The following SERPINB8 variants were observed in gnomAD, a reference collection of about 807,000 sequenced individuals.
SERPINB8 encodes serpin family B member 8, also known as serpin B8.
In SERPINB8, 25 loss-of-function variants were observed where a neutral mutation model predicts 35.3. The observed-to-expected ratio is 0.71, with a 90% CI of 0.52 to 0.99. The LOEUF (loss-of-function observed/expected upper bound fraction) is 0.99, where lower values mean the gene tolerates loss of function less well. Among genes scored for constraint, SERPINB8 ranks in the 50% least tolerant of loss-of-function variants. The probability of loss-of-function intolerance (pLI) is 0.00; values close to 1 mark genes in which losing one functional copy is unlikely to be tolerated. For missense variants in SERPINB8, 484 were observed against 446.5 expected (o/e 1.08, Z -0.76); for synonymous variants, 186 against 160.8 (o/e 1.16, Z -1.19).
chr18:64,017,614 GA>G (rs1174957777), intron 7 of SERPINB8, among the ~76,000 whole-genome samples: 1 of 151,970 alleles, frequency 6.6e-6, no homozygotes, highest in Non-Finnish European at 1.5e-5. Context: ...TTTATATATG[GA>G]AAAAAACTTA....
chr18:63,978,898 C>A (rs1400777803), intron 2 of SERPINB8, among the ~76,000 whole-genome samples: 2 of 152,138 alleles, frequency 1.3e-5, no homozygotes, highest in Admixed American at 1.3e-4. Context: ...CATGATTATG[C>A]ATCCTAGAAG....
chr18:64,009,608 T>C (rs1372621853), downstream of SERPINB8, among the ~76,000 whole-genome samples: 1 of 152,208 alleles, frequency 6.6e-6, no homozygotes, highest in African/African-American at 2.4e-5. Context: ...GATCGCCCAG[T>C]GTAGTGTGCT....
chr18:63,996,273 AG>A (rs1337557596), intron 1 of SERPINB8, among the ~76,000 whole-genome samples: 1 of 152,242 alleles, frequency 6.6e-6, no homozygotes, highest in Admixed American at 6.5e-5. Context: ...TCCATACAGT[AG>A]CTCTGTCTGG....
intron 1 of SERPINB8, among the ~76,000 whole-genome samples, chr18:63,973,341 TG>T (rs2050523937): frequency 1.3e-5 from 2 of 152,234 alleles, no homozygotes; most frequent in African/African-American, 4.8e-5. Flanking sequence ...TGGGGTTGTT[TG>T]TTTTTTTCTT....
rs983820731 is a variant in SERPINB8 at position 64,014,555 on chromosome 18, C to T, written c.*3-4355C>T. Among the ~76,000 whole-genome samples the T allele has an allele frequency of 4.6e-5, 7 of 152,274 alleles. 1 individual carries two copies. The South Asian group carries it at 1.2e-3, about 27-fold the overall frequency. On this transcript the variant is annotated intron_variant, in intron 7 of 7. Transcript: ENST00000636430. ...GCTGAGCATCCTATCAGCAATCCTT[C>T]CTCATGCCAACTCTCTCAGTCTTTT... is the stretch of plus-strand genomic sequence containing the variant.
chr18:64,007,464 C>A (rs183861966), downstream of SERPINB8, among the ~76,000 whole-genome samples: 52 of 152,270 alleles, frequency 3.4e-4, no homozygotes, highest in African/African-American at 1.1e-3. Flanking sequence ...AAAGCGTACT[C>A]TTCAACTAAT....
chr18:64,006,378 G>A (rs1351054693), downstream of SERPINB8, among the ~76,000 whole-genome samples: 1 of 152,138 alleles, frequency 6.6e-6, no homozygotes, highest in South Asian at 2.1e-4. Flanking sequence ...GCCTTTGGGA[G>A]GTAATTTGAG....
chr18:63,970,904 C>T (rs2050464605), intron 1 of SERPINB8, among the ~76,000 whole-genome samples: 1 of 152,162 alleles, frequency 6.6e-6, no homozygotes, highest in African/African-American at 2.4e-5. Context: ...ACCTACGCCC[C>T]TCTCTGTTGC....
At chr18:63,986,773 A>G in intron 6 of SERPINB8, 101 bp from the exon 7 acceptor site, 1 of 1,390,858 alleles carries the variant, frequency 7.2e-7, no homozygotes, top group Non-Finnish European at 9.7e-7. Context: ...ACCAGAACTC[A>G]CCATCTAATT....
chr18:63,984,990 A>G (rs1380580287), intron 5 of SERPINB8, 103 bp from the exon 6 acceptor site: 11 of 1,120,984 alleles, frequency 9.8e-6, no homozygotes, highest in East Asian at 7.5e-5. Context: ...AAATGTGCAG[A>G]AACAGTAATT....
chr18:63,974,970 G>T (rs1175396331), intron 1 of SERPINB8, among the ~76,000 whole-genome samples: 1 of 151,872 alleles, frequency 6.6e-6, no homozygotes, highest in African/African-American at 2.4e-5. Context: ...TGAAGGAAGA[G>T]GAAAGATGGA....
intron 6 of SERPINB8, chr18:63,986,308 G>A (rs1295902082): frequency 3.1e-6 from 5 of 1,607,910 alleles, no homozygotes; most frequent in Non-Finnish European, 4.2e-6. Context: ...GACAGGCAGA[G>A]GACAAACAAG....
intron 1 of SERPINB8, among the ~76,000 whole-genome samples, chr18:63,972,554 G>T (rs1191256805): frequency 6.6e-6 from 1 of 151,952 alleles, no homozygotes; most frequent in Non-Finnish European, 1.5e-5. Flanking sequence ...TTGATACATA[G>T]GTATACATGA....
Position 63,987,445 on chromosome 18 carries a change from T to C in SERPINB8, c.*167T>C. 1.4e-6 allele frequency: 1 copy of C among 736,250 alleles called. No individual in the cohort carries two copies. The highest frequency in any genetic ancestry group is 2.1e-6 in the Non-Finnish European group (1 of 465,996). 45.6% of individuals were successfully genotyped at this position (736,250 alleles called of 1,614,324 possible). On this transcript the variant is annotated 3_prime_UTR_variant, in exon 7 of 7. Transcript: ENST00000397985. Reference sequence around the variant, plus strand: ...AAGTTCCAGAGCCATTGAGAATAACTGAGGCCGCAGATGCATGAAATTTGG... The same window carrying C: ...AAGTTCCAGAGCCATTGAGAATAACCGAGGCCGCAGATGCATGAAATTTGG...
intron 4 of SERPINB8, among the ~76,000 whole-genome samples, chr18:63,982,130 GC>G: frequency 6.6e-6 from 1 of 152,110 alleles, no homozygotes; most frequent in East Asian, 1.9e-4. Flanking sequence ...TATCTGAGAG[GC>G]CCTTCCATGC....
At chr18:63,994,347 C>G (rs1217380747), downstream of SERPINB8, among the ~76,000 whole-genome samples, 2 of 152,142 alleles carry the variant, frequency 1.3e-5, no homozygotes, top group African/African-American at 4.8e-5. Context: ...TTCTCTCTCT[C>G]TCTCTCTCTC....
chr18:63,986,803 G>T, intron 6 of SERPINB8, 71 bp from the exon 7 acceptor site: 1 of 1,437,724 alleles, frequency 7.0e-7, no homozygotes, highest in Non-Finnish European at 9.4e-7. Context: ...TGGGGGAGGG[G>T]TAATAAATGG....
chr18:63,986,698 AAG>A lies in SERPINB8; in HGVS notation c.721-174_721-173del, dbSNP rs1437170423. The A allele has an allele frequency of 5.0e-6, 7 of 1,413,508 alleles. No individual in the cohort carries two copies. The Admixed American group carries it at 1.4e-4, about 29-fold the overall frequency. The allele number at this position is 1,413,508 out of a possible 1,614,324, so 87.6% of individuals were successfully genotyped here. A position where few individuals can be genotyped will look rare whatever the true frequency, so the allele number is the denominator to read the frequency against. On this transcript the variant is annotated intron_variant, in intron 6 of 6. Transcript: ENST00000397985. ...ACACTTGTCTCCATAAAACTGTGAA[AAG>A]ATGAAAATTTGGGAGAAAATCTTGG...
At chr18:64,015,895 C>T (rs753872306) in intron 7 of SERPINB8, among the ~76,000 whole-genome samples, 28 of 152,206 alleles carry the variant, frequency 1.8e-4, no homozygotes, top group Non-Finnish European at 3.7e-4. Flanking sequence ...AGCAATGTCT[C>T]TAGGCAATCT....
Sources: gnomAD v4.1 joint callset for allele counts (sites outside exome capture counted in the v4.1 genomes callset) on GRCh38, gnomAD v4.1.1 for gene constraint, MANE v1.5 for transcripts, NCBI Gene and HGNC (gene_info 2026-07-23, HGNC 2026-07-21) for gene names.